The following DNAJC1 variants were observed in gnomAD, a reference collection of about 807,000 sequenced individuals.
DNAJC1 encodes the protein dnaJ homolog subfamily C member 1.
A neutral mutation model predicts 76.6 loss-of-function variants in DNAJC1; 58 were observed. That is an observed-to-expected ratio of 0.76 (90% CI 0.61 to 0.94). The LOEUF (loss-of-function observed/expected upper bound fraction) is 0.94. Among genes scored for constraint, DNAJC1 ranks in the 40% least tolerant of loss-of-function variants. The pLI is 0.00. For synonymous variants in DNAJC1, 258 were observed against 267.9 expected (o/e 0.96, Z 0.36); for missense variants, 689 against 677.3 (o/e 1.02, Z -0.19).
At chr10:21,788,706 G>C (rs1005605833) in intron 9 of DNAJC1, among the ~76,000 whole-genome samples, 4 of 152,126 alleles carry the variant, frequency 2.6e-5, no homozygotes, top group Non-Finnish European at 5.9e-5. Context: ...ACCACTACAT[G>C]GTGCCTCACA....
intron 6 of DNAJC1, among the ~76,000 whole-genome samples, chr10:21,907,796 G>A (rs964486160): frequency 1.7e-4 from 25 of 150,552 alleles, no homozygotes; most frequent in African/African-American, 5.9e-4. Flanking sequence ...GGCCAACATG[G>A]TGAAGCCCCA....
chr10:21,835,555 C>T (rs143024555), intron 8 of DNAJC1, among the ~76,000 whole-genome samples: 7 of 152,166 alleles, frequency 4.6e-5, no homozygotes, highest in Admixed American at 2.6e-4. Context: ...TTCGAACCAA[C>T]GGCAAAGAAG....
chr10:21,873,213 C>T (rs940145217), intron 8 of DNAJC1, among the ~76,000 whole-genome samples: 5 of 152,130 alleles, frequency 3.3e-5, no homozygotes, highest in Admixed American at 6.5e-5. Context: ...ATTTTGGAGA[C>T]GTGAGCCCGC....
intron 8 of DNAJC1, among the ~76,000 whole-genome samples, chr10:21,843,968 C>T (rs965391889): frequency 1.3e-5 from 2 of 152,046 alleles, no homozygotes. Flanking sequence ...GGGAGTTTCC[C>T]CCATACTGTT....
At chr10:21,949,664 G>A (rs1001945188) in intron 1 of DNAJC1, among the ~76,000 whole-genome samples, 2 of 151,686 alleles carry the variant, frequency 1.3e-5, no homozygotes, top group Non-Finnish European at 2.9e-5. Flanking sequence ...TGATCTGCCC[G>A]CCTTGGCCTC....
intron 1 of DNAJC1, among the ~76,000 whole-genome samples, chr10:21,989,313 C>T (rs1271812403): frequency 2.0e-5 from 3 of 152,098 alleles, no homozygotes; most frequent in African/African-American, 4.8e-5. Flanking sequence ...CCTCCGAAAC[C>T]CCATTCCAAA....
chr10:21,857,793 T>C (rs1413091923), intron 8 of DNAJC1, among the ~76,000 whole-genome samples: 2 of 152,058 alleles, frequency 1.3e-5, no homozygotes, highest in African/African-American at 4.8e-5. Context: ...GAGGTGGAGA[T>C]TGCAGTGAGC....
chr10:21,958,453 G>A (rs190531112), intron 1 of DNAJC1, among the ~76,000 whole-genome samples: 1 of 150,084 alleles, frequency 6.7e-6, no homozygotes, highest in African/African-American at 2.5e-5. Flanking sequence ...TTTTGAGACG[G>A]AGTCTCGTTC....
At chr10:21,911,172 A>G (rs1387120714) in intron 6 of DNAJC1, among the ~76,000 whole-genome samples, 3 of 152,028 alleles carry the variant, frequency 2.0e-5, no homozygotes, top group Admixed American at 1.3e-4. Flanking sequence ...CCTGATGGGA[A>G]TAAGGAACGT....
intron 1 of DNAJC1, among the ~76,000 whole-genome samples, chr10:21,978,218 C>G (rs937982804): frequency 6.6e-6 from 1 of 152,044 alleles, no homozygotes; most frequent in Non-Finnish European, 1.5e-5. Context: ...TTCCTGGCAA[C>G]CAGTCACCCA....
rs1468303853 is a variant in DNAJC1, at chr10:21,999,449, CTCT to C, written c.222+3761_222+3763del. Among the ~76,000 whole-genome samples, 61 of 97,732 alleles carry C rather than the reference CTCT, an allele frequency of 6.2e-4. No homozygotes were observed. In the East Asian group the frequency reaches 0.018, roughly 29 times the overall value. 64.1% of individuals were successfully genotyped at this position (97,732 alleles called of 152,430 possible). On this transcript the variant is annotated intron_variant, in intron 1 of 11. Coordinates refer to ENST00000376980, the MANE Select transcript of DNAJC1 (RefSeq NM_022365.4). Reference sequence around the variant, plus strand: ...TGTTGATTCCCCTCCATCTTCTTGACTCTTTTTTTTTTTTTTTTTTTTTTGAGA... The same window carrying C: ...TGTTGATTCCCCTCCATCTTCTTGACTTTTTTTTTTTTTTTTTTTTTGAGA...
At chr10:21,843,032 C>T (rs1423633238) in intron 8 of DNAJC1, among the ~76,000 whole-genome samples, 7 of 151,968 alleles carry the variant, frequency 4.6e-5, no homozygotes, top group African/African-American at 7.2e-5. Context: ...AAAAGAGTAT[C>T]GATATTGAAT....
At chr10:21,788,867 A>G (rs879646667) in intron 9 of DNAJC1, among the ~76,000 whole-genome samples, 82 of 152,286 alleles carry the variant, frequency 5.4e-4, no homozygotes, top group African/African-American at 1.9e-3. Context: ...CATCACAGCT[A>G]CAACCTGACC....
chr10:21,970,958 C>T (rs1837967259), intron 1 of DNAJC1, among the ~76,000 whole-genome samples: 2 of 151,912 alleles, frequency 1.3e-5, no homozygotes, highest in Admixed American at 6.6e-5. Context: ...TTAAGTTATA[C>T]TACTTGATGA....
intron 6 of DNAJC1, among the ~76,000 whole-genome samples, chr10:21,914,177 C>T (rs1836915312): frequency 6.6e-6 from 1 of 152,278 alleles, no homozygotes; most frequent in Non-Finnish European, 1.5e-5. Context: ...TACTGACCCA[C>T]TTGGGAAATG....
intron 1 of DNAJC1, among the ~76,000 whole-genome samples, chr10:21,942,432 A>G (rs1443356131): frequency 6.6e-6 from 1 of 152,208 alleles, no homozygotes; most frequent in East Asian, 1.9e-4. Flanking sequence ...ACAAAAAATA[A>G]GCAAAATTAT....
chr10:21,891,663 T>C (rs1205978526), intron 7 of DNAJC1, among the ~76,000 whole-genome samples: 2 of 152,112 alleles, frequency 1.3e-5, no homozygotes, highest in Admixed American at 1.3e-4. Flanking sequence ...GCACAGCACT[T>C]TTCAAATGCT....
At chr10:21,948,091 CTTT>C (rs781055896) in intron 1 of DNAJC1, among the ~76,000 whole-genome samples, 1 of 134,804 alleles carries the variant, frequency 7.4e-6, no homozygotes, top group Non-Finnish European at 1.6e-5. Flanking sequence ...TCCTTGCAGT[CTTT>C]TTTTTTTTTT....
At chr10:21,834,990 A>G (rs933497889) in intron 8 of DNAJC1, among the ~76,000 whole-genome samples, 10 of 152,216 alleles carry the variant, frequency 6.6e-5, no homozygotes, top group Non-Finnish European at 1.3e-4. Flanking sequence ...TGGTTCTCCC[A>G]GCACGCAGCT....
Sources: gnomAD v4.1 joint callset for allele counts (sites outside exome capture counted in the v4.1 genomes callset) on GRCh38, gnomAD v4.1.1 for gene constraint, MANE v1.5 for transcripts, NCBI Gene and HGNC (gene_info 2026-07-23, HGNC 2026-07-21) for gene names.